GLIS3: variants seen among roughly 807,000 people sequenced by gnomAD.
GLIS3 encodes the protein GLIS family zinc finger 3.
A neutral mutation model predicts 78.6 loss-of-function variants in GLIS3; 53 were observed. That is an observed-to-expected ratio of 0.67 (90% CI 0.54 to 0.85). The LOEUF (loss-of-function observed/expected upper bound fraction) is 0.85, where lower values mean the gene tolerates loss of function less well. Ranked by LOEUF, GLIS3 falls within the 40% of genes least tolerant of loss-of-function variation. The pLI is 0.00. For synonymous variants in GLIS3, 684 were observed against 509.9 expected (o/e 1.34, Z -4.60); for missense variants, 1,703 against 1,231.1 (o/e 1.38, Z -5.74).
chr9:4,441,395 C>T, the GLIS3 span, among the ~76,000 whole-genome samples: 2 of 152,266 alleles, frequency 1.3e-5, no homozygotes, highest in South Asian at 4.1e-4. Flanking sequence ...GCTTTTTCTA[C>T]ATCTTGGTTT....
At chr9:4,007,583 A>G (rs998315957) in intron 4 of GLIS3, among the ~76,000 whole-genome samples, 5 of 152,148 alleles carry the variant, frequency 3.3e-5, no homozygotes, top group African/African-American at 1.2e-4. Context: ...ATTTAAGAAA[A>G]AAGCCTAAAG....
rs117952521 is a variant in GLIS3 at position 4,123,709 on chromosome 9, A to G, written c.596+2025T>C. On this transcript the variant is annotated intron_variant, in intron 3 of 10. Coordinates refer to ENST00000381971, the MANE Select transcript of GLIS3 (RefSeq NM_001042413.2). ...ACTAGATCAATTTAGTGGAAAGGAA[A>G]GCCTATGTTTATTGTATATGTTTGA... The G allele has an allele frequency of 1.6e-3, 638 of 396,930 alleles. 12 individuals are homozygous for G. The East Asian group carries it at 0.023, about 14-fold the overall frequency. 24.6% of individuals were successfully genotyped at this position (396,930 alleles called of 1,614,324 possible).
At chr9:4,180,664 T>C (rs1817235811) in intron 2 of GLIS3, among the ~76,000 whole-genome samples, 1 of 152,196 alleles carries the variant, frequency 6.6e-6, no homozygotes, top group Admixed American at 6.5e-5. Context: ...GGGGGTAGCA[T>C]AAAATCCTTC....
intron 2 of GLIS3, among the ~76,000 whole-genome samples, chr9:4,283,261 GTTTT>G (rs369306104): frequency 2.6e-5 from 2 of 76,384 alleles, no homozygotes; most frequent in South Asian, 4.5e-4. Context: ...CTGTTTTTTT[GTTTT>G]TTTGTTTTTT....
intron 2 of GLIS3, among the ~76,000 whole-genome samples, chr9:4,344,364 G>C (rs542023817): frequency 6.6e-6 from 1 of 152,248 alleles, no homozygotes; most frequent in African/African-American, 2.4e-5. Flanking sequence ...TTTGGCATTT[G>C]GCAATTCATC....
At chr9:4,459,589 C>T in the GLIS3 span, among the ~76,000 whole-genome samples, 1 of 152,172 alleles carries the variant, frequency 6.6e-6, no homozygotes, top group Non-Finnish European at 1.5e-5. Context: ...CACAGTGAGA[C>T]CTCATCACTA....
chr9:4,373,379 C>T, the GLIS3 span, among the ~76,000 whole-genome samples: 1 of 152,306 alleles, frequency 6.6e-6, no homozygotes, highest in East Asian at 1.9e-4. Flanking sequence ...ACTACTAATT[C>T]AGAATCTGGG....
chr9:4,041,160 T>C (rs1343848296), intron 4 of GLIS3, among the ~76,000 whole-genome samples: 1 of 152,220 alleles, frequency 6.6e-6, no homozygotes, highest in African/African-American at 2.4e-5. Context: ...CAAATATGAC[T>C]GCACATGGGA....
At chr9:4,233,327 A>G (rs1822437231) in intron 2 of GLIS3, among the ~76,000 whole-genome samples, 1 of 152,216 alleles carries the variant, frequency 6.6e-6, no homozygotes. Context: ...CTTGTACTTT[A>G]TACCAGGACC....
chr9:4,222,191 G>A (rs1257800580), intron 2 of GLIS3, among the ~76,000 whole-genome samples: 3 of 152,164 alleles, frequency 2.0e-5, no homozygotes, highest in African/African-American at 4.8e-5. Context: ...TCTAAGTGCT[G>A]TACAGCTATA....
At chr9:4,261,770 C>T (rs753076439) in intron 2 of GLIS3, among the ~76,000 whole-genome samples, 14 of 152,254 alleles carry the variant, frequency 9.2e-5, no homozygotes, top group Admixed American at 7.8e-4. Flanking sequence ...TTAAAGCAAG[C>T]GGCACTGCCT....
chr9:4,006,237 A>G (rs1821535129), intron 4 of GLIS3, among the ~76,000 whole-genome samples: 1 of 151,182 alleles, frequency 6.6e-6, no homozygotes, highest in Non-Finnish European at 1.5e-5. Context: ...TGACAGGTAA[A>G]CAGCATGAGA....
At chr9:4,121,799 G>A (rs1056078824) in intron 3 of GLIS3, among the ~76,000 whole-genome samples, 3 of 152,092 alleles carry the variant, frequency 2.0e-5, no homozygotes, top group Admixed American at 1.3e-4. Flanking sequence ...TGAAAGACCT[G>A]GTATAACAGG....
chr9:4,262,897 G>T (rs1188028126), intron 2 of GLIS3, among the ~76,000 whole-genome samples: 1 of 144,492 alleles, frequency 6.9e-6, no homozygotes, highest in African/African-American at 2.6e-5. Flanking sequence ...AGTTCACATG[G>T]TAGCTGACAG....
At chr9:3,869,266 GGTGT>G (rs58818313) in intron 8 of GLIS3, among the ~76,000 whole-genome samples, 1,946 of 151,252 alleles carry the variant, frequency 0.013, 34 homozygotes, top group African/African-American at 0.032. Context: ...AATTATCTAG[GGTGT>G]GTGTGTGTGT....
At chr9:4,295,217 G>A (rs1039139406) in intron 1 of GLIS3, among the ~76,000 whole-genome samples, 5 of 152,126 alleles carry the variant, frequency 3.3e-5, no homozygotes, top group Middle Eastern at 3.4e-3. Context: ...TGGCCCTCAC[G>A]AAAGGACGGT....
chr9:4,117,407 G>GAA (rs1378195612), intron 4 of GLIS3, among the ~76,000 whole-genome samples: 3 of 152,178 alleles, frequency 2.0e-5, no homozygotes, highest in African/African-American at 7.2e-5. Flanking sequence ...ATTTGCTTTG[G>GAA]AAAAGAACTA....
At chr9:4,420,231 A>G in the GLIS3 span, among the ~76,000 whole-genome samples, 1 of 152,214 alleles carries the variant, frequency 6.6e-6, no homozygotes, top group Non-Finnish European at 1.5e-5. Flanking sequence ...GGAAGATGCA[A>G]TTTGAGAATC....
intron 4 of GLIS3, among the ~76,000 whole-genome samples, chr9:4,097,394 G>C (rs1830041197): frequency 6.6e-6 from 1 of 152,040 alleles, no homozygotes; most frequent in Admixed American, 6.5e-5. Flanking sequence ...GAAATCCTGG[G>C]CCTCAGTGCC....
Sources: gnomAD v4.1 joint callset for allele counts (sites outside exome capture counted in the v4.1 genomes callset) on GRCh38, gnomAD v4.1.1 for gene constraint, MANE v1.5 for transcripts, NCBI Gene and HGNC (gene_info 2026-07-23, HGNC 2026-07-21) for gene names.